COMMD1: variants seen among roughly 807,000 people sequenced by gnomAD.
The protein encoded by COMMD1 is COMM domain-containing protein 1.
COMMD1 carries 10 observed loss-of-function variants against 17.2 expected under a neutral mutation model. That is an observed-to-expected ratio of 0.58 (90% CI 0.36 to 0.99). The LOEUF (loss-of-function observed/expected upper bound fraction) is 0.99, where lower values mean the gene tolerates loss of function less well. COMMD1 is among the 50% of genes least tolerant of loss of function. COMMD1 has a pLI of 0.01. For missense variants in COMMD1, 270 were observed against 231.8 expected, an observed-to-expected ratio of 1.17 and a Z score of -1.07; for synonymous variants, 97 against 91.6, an observed-to-expected ratio of 1.06 and a Z score of -0.34.
chr2:61,905,709 C>G lies in COMMD1; in HGVS notation c.31C>G (p.Pro11Ala), dbSNP rs753295309. 5.0e-6 allele frequency: 8 copies of G among 1,597,960 alleles called. No homozygotes were observed. The highest frequency in any genetic ancestry group is 1.1e-5 in the South Asian group (1 of 89,108). Reference sequence around the variant, plus strand: ...GGCGGGCGAGCTTGAGGGTGGCAAACCCCTGAGCGGGCTGCTGAATGCGCT... The same window carrying G: ...GGCGGGCGAGCTTGAGGGTGGCAAAGCCCTGAGCGGGCTGCTGAATGCGCT... The part of the protein sequence containing the change: MAAGELEGGK[P>A]LSGLLNALAQ... The change falls in exon 1 of 3, where the codon CCC (proline) becomes GCC (alanine). Residue 11 changes from proline to alanine, a missense_variant. Transcript: ENST00000311832.
Position 61,924,695 on chromosome 2 carries a change from G to A in COMMD1, c.180+18837G>A, listed in dbSNP as rs189346107. ...GCGATGGCAAAAGTTGTAAAGTCCCGTTTCAGGCTATTGGGAGCCATTGTC... is the reference window on the plus strand; with the variant it reads ...GCGATGGCAAAAGTTGTAAAGTCCCATTTCAGGCTATTGGGAGCCATTGTC... On this transcript the variant is annotated intron_variant, in intron 1 of 2. Coordinates refer to ENST00000311832, the MANE Select transcript of COMMD1 (RefSeq NM_152516.4). Among the ~76,000 whole-genome samples the A allele has an allele frequency of 2.3e-3, 355 of 152,276 alleles. 2 individuals are homozygous for A. The highest frequency in any genetic ancestry group is 7.6e-3 in the African/African-American group (316 of 41,558).
chr2:62,116,142 C>T (rs1672596834), intron 2 of COMMD1, among the ~76,000 whole-genome samples: 1 of 152,034 alleles, frequency 6.6e-6, no homozygotes, highest in Non-Finnish European at 1.5e-5. Context: ...CCACTGCACC[C>T]GGCCCTGTTG....
At chr2:61,960,464 G>A (rs1263064051) in intron 1 of COMMD1, among the ~76,000 whole-genome samples, 4 of 152,144 alleles carry the variant, frequency 2.6e-5, no homozygotes, top group African/African-American at 4.8e-5. Flanking sequence ...GAACTGAAGC[G>A]ATAGTTTCCT....
intron 1 of COMMD1, among the ~76,000 whole-genome samples, chr2:61,973,505 A>C (rs1001387335): frequency 6.6e-6 from 1 of 152,134 alleles, no homozygotes; most frequent in Non-Finnish European, 1.5e-5. Context: ...TGAACTAATA[A>C]ATATTTTCGC....
chr2:62,132,548 T>C (rs957936134), intron 2 of COMMD1, among the ~76,000 whole-genome samples: 2 of 152,186 alleles, frequency 1.3e-5, no homozygotes, highest in Non-Finnish European at 2.9e-5. Flanking sequence ...GGCCAGATGT[T>C]TTAAAAATTG....
chr2:61,974,964 G>C (rs191237527), intron 1 of COMMD1, among the ~76,000 whole-genome samples: 1 of 151,938 alleles, frequency 6.6e-6, no homozygotes, highest in Admixed American at 6.6e-5. Context: ...GGCAATCACT[G>C]ATCTCTTTAC....
chr2:61,963,229 A>G (rs940782798), intron 1 of COMMD1, among the ~76,000 whole-genome samples: 6 of 119,508 alleles, frequency 5.0e-5, no homozygotes, highest in African/African-American at 1.2e-4. Flanking sequence ...ACATATATAC[A>G]TATATACACA....
At chr2:62,024,480 T>G (rs928822109) in intron 2 of COMMD1, among the ~76,000 whole-genome samples, 24 of 152,250 alleles carry the variant, frequency 1.6e-4, no homozygotes, top group African/African-American at 5.5e-4. Context: ...CCTTTGCTAT[T>G]GATAGTTACA....
intron 1 of COMMD1, among the ~76,000 whole-genome samples, chr2:61,999,451 C>A (rs1668860253): frequency 1.3e-5 from 2 of 152,146 alleles, no homozygotes; most frequent in South Asian, 2.1e-4. Flanking sequence ...TAAATACATT[C>A]ACTTAACAAT....
At chr2:62,054,077 A>G (rs1670619262) in intron 2 of COMMD1, among the ~76,000 whole-genome samples, 1 of 152,186 alleles carries the variant, frequency 6.6e-6, no homozygotes, top group Non-Finnish European at 1.5e-5. Context: ...AGACATATAA[A>G]TGGCCAACAG....
chr2:61,973,930 C>G (rs1671718205), intron 1 of COMMD1, among the ~76,000 whole-genome samples: 1 of 152,196 alleles, frequency 6.6e-6, no homozygotes, highest in Non-Finnish European at 1.5e-5. Context: ...TCCTAGTCAA[C>G]CCCACCACTG....
intron 2 of COMMD1, among the ~76,000 whole-genome samples, chr2:62,015,714 T>C (rs944475115): frequency 6.6e-6 from 1 of 151,392 alleles, no homozygotes; most frequent in Admixed American, 6.6e-5. Flanking sequence ...TTTTTTCTTT[T>C]TTTTTTTTGA....
intron 1 of COMMD1, among the ~76,000 whole-genome samples, chr2:61,969,673 G>T (rs1302064374): frequency 6.6e-6 from 1 of 152,162 alleles, no homozygotes; most frequent in Non-Finnish European, 1.5e-5. Context: ...AAATCTGTGT[G>T]ATGTGTTCCA....
chr2:62,106,746 C>T (rs1240127378), intron 2 of COMMD1, among the ~76,000 whole-genome samples: 1 of 152,048 alleles, frequency 6.6e-6, no homozygotes, highest in Non-Finnish European at 1.5e-5. Context: ...TAATTATTGG[C>T]CATCTGTATA....
chr2:62,003,323 C>T (rs1255856727), intron 2 of COMMD1, among the ~76,000 whole-genome samples: 1 of 151,356 alleles, frequency 6.6e-6, no homozygotes, highest in African/African-American at 2.4e-5. Flanking sequence ...AGGTGGATCA[C>T]GAGATCAGGA....
chr2:62,026,241 A>G (rs1029953358), intron 2 of COMMD1, among the ~76,000 whole-genome samples: 1 of 152,212 alleles, frequency 6.6e-6, no homozygotes, highest in African/African-American at 2.4e-5. Flanking sequence ...TAATTGGCCT[A>G]CAGTTCTGCA....
At chr2:61,905,925 C>A in intron 1 of COMMD1, 67 bp downstream of exon 1, 1 of 1,507,430 alleles carries the variant, frequency 6.6e-7, no homozygotes, top group Non-Finnish European at 9.2e-7. Context: ...CAGACTCTCC[C>A]CCCCTTGCCT....
At chr2:62,026,922 A>G (rs994150927) in intron 2 of COMMD1, among the ~76,000 whole-genome samples, 1 of 152,206 alleles carries the variant, frequency 6.6e-6, no homozygotes, top group Non-Finnish European at 1.5e-5. Context: ...ATTGTAACTT[A>G]TGATTCCTTT....
chr2:61,918,477 A>G (rs1312542407), intron 1 of COMMD1: 1 of 152,202 alleles, frequency 6.6e-6, no homozygotes, highest in Admixed American at 6.5e-5. Flanking sequence ...GACTCAGGTG[A>G]CCTGTAATGA....
Sources: gnomAD v4.1 joint callset for allele counts (sites outside exome capture counted in the v4.1 genomes callset) on GRCh38, gnomAD v4.1.1 for gene constraint, MANE v1.5 for transcripts, NCBI Gene and HGNC (gene_info 2026-07-23, HGNC 2026-07-21) for gene names.